EFHD2: variants seen among roughly 807,000 people sequenced by gnomAD.
The protein encoded by EFHD2 is EF-hand domain-containing protein D2.
A neutral mutation model predicts 20.3 loss-of-function variants in EFHD2; 12 were observed. That is an observed-to-expected ratio of 0.59 (90% CI 0.38 to 0.96). EFHD2 has a LOEUF of 0.96. Ranked by LOEUF, EFHD2 falls within the 40% of genes least tolerant of loss-of-function variation. The pLI is 0.00. For missense variants in EFHD2, 250 were observed against 334.3 expected, an observed-to-expected ratio of 0.75 and a Z score of 1.97; for synonymous variants, 131 against 143.9, an observed-to-expected ratio of 0.91 and a Z score of 0.64.
At chr1:15,424,203 A>G (rs1707837107) in intron 1 of EFHD2, among the ~76,000 whole-genome samples, 1 of 151,266 alleles carries the variant, frequency 6.6e-6, no homozygotes, top group Admixed American at 6.6e-5. Flanking sequence ...AAAAAGAAAA[A>G]CCCATGTTAC....
chr1:15,412,498 G>A (rs769680303), intron 1 of EFHD2, among the ~76,000 whole-genome samples: 20 of 152,270 alleles, frequency 1.3e-4, no homozygotes, highest in East Asian at 9.7e-4. Context: ...TTCCCCTTCC[G>A]GGTTTCCCAT....
intron 1 of EFHD2, among the ~76,000 whole-genome samples, chr1:15,425,281 TTGGGAGGCCGAGG>T (rs1228018319): frequency 6.6e-6 from 1 of 151,990 alleles, no homozygotes; most frequent in Non-Finnish European, 1.5e-5. Context: ...TCCCCATACT[TTGGGAGGCCGAGG>T]TGGGTGGATC....
chr1:15,428,008 A>G (rs978009854), intron 3 of EFHD2: 1 of 470,954 alleles, frequency 2.1e-6, no homozygotes, highest in East Asian at 6.9e-5. Flanking sequence ...CACAGAATAT[A>G]GGTTCTCTAT....
intron 1 of EFHD2, among the ~76,000 whole-genome samples, chr1:15,424,606 G>A (rs75815556): frequency 0.019 from 2,897 of 152,198 alleles, 77 homozygotes; most frequent in African/African-American, 0.059. Flanking sequence ...TGCACCACAC[G>A]TCCCTGAACA....
chr1:15,412,954 GGACCTCTA>G (rs1707566389), intron 1 of EFHD2, among the ~76,000 whole-genome samples: 1 of 152,202 alleles, frequency 6.6e-6, no homozygotes, highest in Non-Finnish European at 1.5e-5. Flanking sequence ...CCAGGAAGCT[GGACCTCTA>G]GGGAAGCAAG....
chr1:15,416,865 A>G (rs575775927), intron 1 of EFHD2, among the ~76,000 whole-genome samples: 1 of 152,130 alleles, frequency 6.6e-6, no homozygotes, highest in South Asian at 2.1e-4. Context: ...GACCAAGTGC[A>G]GTGGTACGAT....
In EFHD2 at chr1:15,425,783, C is replaced by T. The variant is rs2103279703; in HGVS notation, c.309-88C>T. The T allele has an allele frequency of 4.6e-6, 7 of 1,525,224 alleles. No individual in the cohort carries two copies. In the South Asian group the frequency reaches 7.6e-5, roughly 17 times the overall value. The allele number at this position is 1,525,224 out of a possible 1,614,324, so 94.5% of individuals were successfully genotyped here. A position where few individuals can be genotyped will look rare whatever the true frequency, so the allele number is the denominator to read the frequency against. ...GGATTTTATGGTTGGTAGGAGATGC[C>T]CTCTGATCCCCCAGTCTCCTTGCAC... is the stretch of plus-strand genomic sequence containing the variant. On this transcript the variant is annotated intron_variant, in intron 1 of 3. Coordinates refer to ENST00000375980, the MANE Select transcript of EFHD2 (RefSeq NM_024329.6).
intron 1 of EFHD2, among the ~76,000 whole-genome samples, chr1:15,425,632 G>C (rs1321380419): frequency 6.6e-6 from 1 of 152,074 alleles, no homozygotes; most frequent in African/African-American, 2.4e-5. Context: ...CCAAAAGTTA[G>C]CGCTATTCGA....
At chr1:15,416,751 C>T (rs1044559931) in intron 1 of EFHD2, among the ~76,000 whole-genome samples, 4 of 150,920 alleles carry the variant, frequency 2.7e-5, no homozygotes, top group Non-Finnish European at 5.9e-5. Flanking sequence ...CTTCACCGCC[C>T]GGGAGTATGT....
chr1:15,419,158 G>A (rs1398194746), intron 1 of EFHD2, among the ~76,000 whole-genome samples: 1 of 152,212 alleles, frequency 6.6e-6, no homozygotes, highest in African/African-American at 2.4e-5. Flanking sequence ...GGGCAGGGAA[G>A]CAACCAGCTG....
At chr1:15,418,138 C>T (rs1481890466) in intron 1 of EFHD2, among the ~76,000 whole-genome samples, 1 of 150,174 alleles carries the variant, frequency 6.7e-6, no homozygotes, top group African/African-American at 2.4e-5. Flanking sequence ...TACAGGCATG[C>T]ACCACCACAC....
chr1:15,419,610 C>T (rs1707753800), intron 1 of EFHD2, among the ~76,000 whole-genome samples: 2 of 152,362 alleles, frequency 1.3e-5, no homozygotes, highest in Admixed American at 6.5e-5. Flanking sequence ...AGTCACTGCC[C>T]ACTGTGGGCC....
intron 1 of EFHD2, among the ~76,000 whole-genome samples, chr1:15,422,233 C>T (rs1000622675): frequency 6.6e-6 from 1 of 151,704 alleles, no homozygotes; most frequent in African/African-American, 2.4e-5. Flanking sequence ...GCAGGGATTA[C>T]AGGTGCCTGC....
Position 15,410,110 on chromosome 1 carries a change from G to A in EFHD2, c.139G>A (p.Ala47Thr). 6.5e-7 allele frequency: 1 copy of A among 1,539,402 alleles called. No individual in the cohort carries two copies. Among genetic ancestry groups the A allele is most frequent in the Non-Finnish European group, 8.7e-7 (1 of 1,147,974 alleles). The change falls in exon 1 of 4, where the codon GCG becomes ACG. Residue 47 changes from alanine to threonine, a missense_variant. By Grantham distance (58) the Ala-to-Thr change is moderately conservative. Transcript: ENST00000375980. ...GGGGGCACCCGACGAGGCGGCCGAG[G>A]CGCTGGGCAGCGCGGACTGCGAGCT... ...AAGAPDEAAE[A>T]LGSADCELSA... is the part of the protein sequence containing the mutation.
In EFHD2 at chr1:15,413,502, T is replaced by C; in HGVS notation, c.308+3223T>C. Among the ~76,000 whole-genome samples the C allele has an allele frequency of 6.6e-6, 1 of 151,980 alleles. No individual in the cohort carries two copies. The highest frequency in any genetic ancestry group is 1.9e-4 in the East Asian group (1 of 5,176). ...CTTCCAGGGCCTTCTGGTCCACCCC[T>C]CCGTGTTGATTCAGCAGGTACTTCC... is the stretch of plus-strand genomic sequence containing the variant. On this transcript the variant is annotated intron_variant, in intron 1 of 3. Transcript: ENST00000375980. This position sits in a 1 kb window ranked among gnomAD's most constrained non-coding sequence, Gnocchi z 4.4.
intron 1 of EFHD2, among the ~76,000 whole-genome samples, chr1:15,419,145 CA>C (rs1244709487): frequency 6.6e-6 from 1 of 152,190 alleles, no homozygotes; most frequent in African/African-American, 2.4e-5. Flanking sequence ...GGGAGAGGGG[CA>C]GGGGCAGGGA....
At chr1:15,422,023 AG>A (rs891901735) in intron 1 of EFHD2, among the ~76,000 whole-genome samples, 1 of 149,240 alleles carries the variant, frequency 6.7e-6, no homozygotes, top group Non-Finnish European at 1.5e-5. Flanking sequence ...CCCATGAGAG[AG>A]GCCCCATTGC....
chr1:15,417,587 C>T (rs935670430), intron 1 of EFHD2, among the ~76,000 whole-genome samples: 19 of 152,188 alleles, frequency 1.2e-4, no homozygotes, highest in Non-Finnish European at 2.4e-4. Flanking sequence ...CTTTCTCCCC[C>T]AACCCCATAC....
At position 15,409,953 on chromosome 1, in the gene EFHD2, G is replaced by T. The variant is rs888988492; in HGVS notation, c.-19G>T. ...CTGAGAGCAGGGGCCCGGCCAAGGC[G>T]AGTGCCGCGCGGGCCACCATGGCCA... On this transcript the variant is annotated 5_prime_UTR_variant, in exon 1 of 4. Transcript: ENST00000375980. The T allele has an allele frequency of 4.1e-6, 5 of 1,230,108 alleles. No individual in the cohort carries two copies. The highest frequency in any genetic ancestry group is 8.8e-5 in the Admixed American group (2 of 22,758). 76.2% of individuals were successfully genotyped at this position (1,230,108 alleles called of 1,614,324 possible).
Sources: allele counts gnomAD v4.1 joint callset (sites outside exome capture counted in the v4.1 genomes callset), GRCh38; gene constraint gnomAD v4.1.1; non-coding constraint Gnocchi (gnomAD v3.1); transcripts MANE v1.5; gene names NCBI Gene and HGNC (gene_info 2026-07-23, HGNC 2026-07-21).